Variants in C1orf141 observed in about 807,000 individuals in gnomAD.
C1orf141 encodes the protein uncharacterized protein C1orf141.
Under a neutral mutation model 23.2 loss-of-function variants are expected in C1orf141, and 19 were observed. That is an observed-to-expected ratio of 0.82 (90% CI 0.57 to 1.20). The LOEUF is 1.20. Among genes scored for constraint, C1orf141 ranks in the 50% most tolerant of loss-of-function variants. The pLI, the probability that C1orf141 is intolerant of heterozygous loss-of-function variation, is 0.00. For missense variants in C1orf141, 469 were observed against 455.1 expected (o/e 1.03, Z -0.28); for synonymous variants, 153 against 154.6 (o/e 0.99, Z 0.08).
chr1:67,135,000 A>T (rs1646573271), upstream of C1orf141: 1 of 133,508 alleles, frequency 7.5e-6, no homozygotes, highest in African/African-American at 2.9e-5. Flanking sequence ...GTCCCTTAGC[A>T]ACGCGTCCTC....
chr1:67,136,506 A>G (rs1261379523), upstream of C1orf141, among the ~76,000 whole-genome samples: 5 of 152,234 alleles, frequency 3.3e-5, no homozygotes, highest in Non-Finnish European at 7.3e-5. Flanking sequence ...TAGCTTCTTA[A>G]GAATTCAGTT....
chr1:67,093,767 C>T (rs1645606253), intron 7 of C1orf141, 163 bp from the exon 8 acceptor site: 1 of 478,110 alleles, frequency 2.1e-6, no homozygotes, highest in African/African-American at 2.0e-5. Context: ...AAATACTGTA[C>T]TTGTATGTAA....
chr1:67,100,475 C>CT (rs1404594105), intron 5 of C1orf141, among the ~76,000 whole-genome samples: 2 of 152,048 alleles, frequency 1.3e-5, no homozygotes, highest in Non-Finnish European at 2.9e-5. Flanking sequence ...TGATGATTAT[C>CT]TTTTACATTT....
intron 5 of C1orf141, chr1:67,113,713 G>T: frequency 1.6e-6 from 2 of 1,277,586 alleles, no homozygotes; most frequent in Non-Finnish European, 2.0e-6. Flanking sequence ...ATGAGAATCC[G>T]CTGAAGAGGC....
chr1:67,137,872 C>G (rs1212568671), upstream of C1orf141, among the ~76,000 whole-genome samples: 1 of 152,222 alleles, frequency 6.6e-6, no homozygotes, highest in Non-Finnish European at 1.5e-5. Context: ...GGTGAAAAGC[C>G]TGTGATTCTC....
Position 67,093,255 on chromosome 1 carries a change from G to T in C1orf141, c.953C>A (p.Ser318Ter). The T allele has an allele frequency of 6.2e-7, 1 of 1,613,824 alleles. No individual in the cohort carries two copies. The highest frequency in any genetic ancestry group is 8.5e-7 in the Non-Finnish European group (1 of 1,179,806). Reference sequence around the variant, plus strand: ...TTTTGTTAGGCTAGAAAAATTCTGTGAGAAATTATAGAGTGTATTCCAAGA... The same window carrying T: ...TTTTGTTAGGCTAGAAAAATTCTGTTAGAAATTATAGAGTGTATTCCAAGA... The part of the protein sequence containing the change: ...NRSWNTLYNF[S>*]QNFSSLTKQF... The change falls in exon 8 of 8, where the codon TCA becomes TAA. Residue 318 changes from serine to a stop codon, truncating the protein, a stop_gained. Coordinates refer to ENST00000684719, the MANE Select transcript of C1orf141 (RefSeq NM_001276351.2). LOFTEE classifies it low-confidence loss of function (END_TRUNC).
upstream of C1orf141, among the ~76,000 whole-genome samples, chr1:67,139,850 C>T (rs1237234069): frequency 6.6e-6 from 1 of 152,094 alleles, no homozygotes; most frequent in African/African-American, 2.4e-5. Context: ...TTGGTGGGGC[C>T]TTTAAAAGGT....
chr1:67,117,840 A>G (rs1646226261), intron 4 of C1orf141, among the ~76,000 whole-genome samples: 1 of 152,242 alleles, frequency 6.6e-6, no homozygotes, highest in Non-Finnish European at 1.5e-5. Flanking sequence ...GTGGTGAACC[A>G]AAGAGCATAG....
chr1:67,093,373 C>CT lies in C1orf141; in HGVS notation c.834dup (p.Asp279ArgfsTer9). On this transcript the variant is annotated frameshift_variant, in exon 8 of 8. Transcript: ENST00000684719. LOFTEE classifies it low-confidence loss of function (END_TRUNC). ...TTAAAAGACATAGGGATCTGTATAT[C>CT]TTTTCTCTGTACTGTAGGCATAGTT... The CT allele has an allele frequency of 6.2e-7, 1 of 1,613,840 alleles. No homozygotes were observed. The highest frequency in any genetic ancestry group is 2.2e-5 in the East Asian group (1 of 44,854).
chr1:67,117,134 C>A (rs776155538), intron 4 of C1orf141, among the ~76,000 whole-genome samples: 12 of 151,978 alleles, frequency 7.9e-5, no homozygotes, highest in Non-Finnish European at 1.8e-4. Context: ...TCATTGAATG[C>A]CTAATAGGCC....
At chr1:67,114,276 C>T (rs1558196357) in intron 5 of C1orf141, among the ~76,000 whole-genome samples, 1 of 112,840 alleles carries the variant, frequency 8.9e-6, no homozygotes. Flanking sequence ...CTCCATATAC[C>T]TGGCATAAAC....
At chr1:67,111,298 T>G (rs923104922) in intron 5 of C1orf141, among the ~76,000 whole-genome samples, 24 of 152,290 alleles carry the variant, frequency 1.6e-4, no homozygotes, top group African/African-American at 5.1e-4. Context: ...TGTATGTTTT[T>G]TATGATGCTC....
In C1orf141 at chr1:67,093,513, A is replaced by G. The variant is rs566702347; in HGVS notation, c.695T>C (p.Leu232Ser). Residue 232 changes from leucine to serine, a missense_variant, in exon 8 of 8, where the codon TTG becomes TCG. Around this residue, in one of 3 missense-constraint regions of C1orf141, gnomAD observed 370 missense variants for 348.1 expected, o/e 1.06. Coordinates refer to ENST00000684719, the MANE Select transcript of C1orf141 (RefSeq NM_001276351.2). ...LTKNRFSSHP[L>S]ENENIYPHKR... is the part of the protein sequence containing the mutation. The stretch of plus-strand genomic sequence containing the variant: ...ATGTGGGTAAATGTTTTCATTTTCC[A>G]AAGGATGAGAAGAAAATCTATTTTT... 239 of 1,607,368 alleles carry G rather than the reference A, an allele frequency of 1.5e-4. 2 individuals carry two copies. In the South Asian group the frequency reaches 2.4e-3, roughly 16 times the overall value.
chr1:67,093,194 A>T lies in C1orf141; in HGVS notation c.1014T>A (p.His338Gln), dbSNP rs1213199874. 1 of 1,609,428 alleles carries T rather than the reference A, an allele frequency of 6.2e-7. No homozygotes were observed. Among genetic ancestry groups the T allele is most frequent in the South Asian group, 1.1e-5 (1 of 91,070 alleles). Residue 338 changes from histidine (H) to glutamine (Q), a missense_variant, in exon 8 of 8, where the codon CAT (histidine) becomes CAA (glutamine). Physicochemically the swap from His to Gln is conservative, Grantham distance 24. This residue lies in a region of C1orf141 where 370 missense variants were observed against 348.1 expected (regional missense o/e 1.06). Transcript: ENST00000684719. ...FVGYLDKAVI[H>Q]EMSAQTGKFE... is the part of the protein sequence containing the mutation. ...ATTTTCCAGTTTGGGCACTCATTTC[A>T]TGAATAACAGCTTTATCAAGGTAAC...
chr1:67,093,676 T>C (rs577575058), intron 7 of C1orf141, 72 bp from the exon 8 acceptor site: 25 of 1,225,382 alleles, frequency 2.0e-5, no homozygotes, highest in Non-Finnish European at 2.5e-5. Context: ...TTTTAAAACA[T>C]GTAAATAAAA....
chr1:67,127,149 G>C lies in C1orf141; in HGVS notation c.75+17C>G. On this transcript the variant is annotated intron_variant, in intron 3 of 7. Coordinates refer to ENST00000684719, the MANE Select transcript of C1orf141 (RefSeq NM_001276351.2). The stretch of plus-strand genomic sequence containing the variant: ...CTGTTAATGATTAAACTGAATTGTA[G>C]CTTATACGTCACAAACCTTTGTTCT... 5 of 1,562,974 alleles carry C rather than the reference G, an allele frequency of 3.2e-6. No individual in the cohort carries two copies. Among genetic ancestry groups the C allele is most frequent in the Non-Finnish European group, 2.6e-6 (3 of 1,143,770 alleles).
intron 4 of C1orf141, among the ~76,000 whole-genome samples, chr1:67,124,302 G>A (rs1044638941): frequency 6.6e-6 from 1 of 151,984 alleles, no homozygotes; most frequent in Non-Finnish European, 1.5e-5. Flanking sequence ...AGATGCAAAT[G>A]TCATAGTTTG....
intron 1 of C1orf141, among the ~76,000 whole-genome samples, chr1:67,133,594 G>A (rs145943860): frequency 6.6e-6 from 1 of 152,192 alleles, no homozygotes. Context: ...CTAGGCCCCA[G>A]GATCTCAGAC....
Sources: allele counts gnomAD v4.1 joint callset (sites outside exome capture counted in the v4.1 genomes callset), GRCh38; gene constraint gnomAD v4.1.1; regional missense constraint gnomAD v4.1.1; transcripts MANE v1.5; gene names NCBI Gene and HGNC (gene_info 2026-07-23, HGNC 2026-07-21).